GRIK4: variants seen among roughly 807,000 people sequenced by gnomAD.
GRIK4 encodes the protein glutamate receptor ionotropic, kainate 4.
Under a neutral mutation model 104.9 loss-of-function variants are expected in GRIK4, and 40 were observed. The ratio of observed to expected loss-of-function variants is 0.38; its 90% CI spans 0.30 to 0.50. The LOEUF is 0.50. Ranked by LOEUF, GRIK4 falls within the 20% of genes least tolerant of loss-of-function variation. The pLI is 0.93. For synonymous variants in GRIK4, 485 were observed against 524.9 expected (o/e 0.92, Z 1.04); for missense variants, 1,047 against 1,308.1 (o/e 0.80, Z 3.08).
At position 120,956,793 on chromosome 11, in the gene GRIK4, G is replaced by A. The variant is rs1944162298; in HGVS notation, c.1714G>A (p.Glu572Lys). The change falls in exon 16 of 21, where the codon GAG becomes AAG. Residue 572 changes from glutamate to lysine, a missense_variant. Physicochemically the swap from Glu to Lys is moderately conservative, Grantham distance 56. This residue lies in a region of GRIK4 where 440 missense variants were observed against 652.3 expected (regional missense o/e 0.67). Transcript: ENST00000527524. This position sits in a 1 kb window ranked among gnomAD's most constrained non-coding sequence, Gnocchi z 4.6. ...LFLVARLTPY[E>K]WYSPHPCAQG... ...TTTCTCCCACAGGTTGACGCCCTAC[G>A]AGTGGTACAGCCCACACCCATGTGC... 6.3e-7 allele frequency: 1 copy of A among 1,594,938 alleles called. No homozygotes were observed. The highest frequency in any genetic ancestry group is 8.6e-7 in the Non-Finnish European group (1 of 1,167,584).
At chr11:120,895,693 G>A (rs891466428) in intron 11 of GRIK4, among the ~76,000 whole-genome samples, 2 of 152,124 alleles carry the variant, frequency 1.3e-5, no homozygotes, top group South Asian at 2.1e-4. Flanking sequence ...CCTGCCATCC[G>A]GGGAACCTTA....
intron 3 of GRIK4, among the ~76,000 whole-genome samples, chr11:120,670,885 C>T (rs1423457431): frequency 6.6e-6 from 1 of 151,872 alleles, no homozygotes; most frequent in African/African-American, 2.4e-5. Context: ...GCCCCAGTGT[C>T]TGATGTTCCC....
At chr11:120,670,407 G>A (rs765834840) in intron 3 of GRIK4, among the ~76,000 whole-genome samples, 2 of 152,176 alleles carry the variant, frequency 1.3e-5, no homozygotes, top group Non-Finnish European at 2.9e-5. Flanking sequence ...CCCACAGGGC[G>A]GTCCATGAAC....
chr11:120,928,836 C>T (rs1943411172), intron 13 of GRIK4, among the ~76,000 whole-genome samples: 1 of 152,158 alleles, frequency 6.6e-6, no homozygotes, highest in Non-Finnish European at 1.5e-5. Context: ...GATGACATTG[C>T]CACTTTCCCA....
intron 1 of GRIK4, among the ~76,000 whole-genome samples, chr11:120,542,234 G>C (rs750427237): frequency 1.3e-5 from 2 of 152,184 alleles, no homozygotes; most frequent in Admixed American, 1.3e-4. Context: ...ATGGTGTGGG[G>C]AAAACTGGAT....
At chr11:120,859,696 G>A (rs1366874286) in intron 8 of GRIK4, among the ~76,000 whole-genome samples, 4 of 152,192 alleles carry the variant, frequency 2.6e-5, no homozygotes, top group Admixed American at 6.5e-5. Flanking sequence ...TTAGCCATCT[G>A]CCCCCTTGTG....
At chr11:120,757,056 G>T (rs951431102) in intron 3 of GRIK4, among the ~76,000 whole-genome samples, 1 of 152,210 alleles carries the variant, frequency 6.6e-6, no homozygotes, top group Non-Finnish European at 1.5e-5. Flanking sequence ...TTTTCTCACT[G>T]ACACAGCAGC....
intron 1 of GRIK4, among the ~76,000 whole-genome samples, chr11:120,566,946 T>A (rs1948333001): frequency 1.3e-5 from 2 of 151,326 alleles, no homozygotes; most frequent in Non-Finnish European, 2.9e-5. Context: ...TGACCTCGTG[T>A]TCCGCCCACC....
intron 3 of GRIK4, among the ~76,000 whole-genome samples, chr11:120,742,250 G>A (rs1443655405): frequency 5.3e-5 from 8 of 151,742 alleles, no homozygotes; most frequent in Admixed American, 3.3e-4. Flanking sequence ...GGAGGCTGAG[G>A]CATGAGAATC....
intron 4 of GRIK4, among the ~76,000 whole-genome samples, chr11:120,814,632 C>A (rs986306909): frequency 6.6e-6 from 1 of 152,064 alleles, no homozygotes; most frequent in African/African-American, 2.4e-5. Flanking sequence ...CCAGGAAGGT[C>A]TAAGGAGAAG....
At chr11:120,569,722 G>A (rs1948373647) in intron 1 of GRIK4, among the ~76,000 whole-genome samples, 1 of 152,202 alleles carries the variant, frequency 6.6e-6, no homozygotes, top group African/African-American at 2.4e-5. Context: ...AGTGGCAGAG[G>A]AGAAATTCTG....
At position 120,905,987 on chromosome 11, in the gene GRIK4, T is replaced by C. The variant is rs867123938; in HGVS notation, c.1476+494T>C. ...ACAGCTACAGTTATTTTCGTACATC[T>C]TGTGTTATCTTTGGTTAGCGTTAAT... On this transcript the variant is annotated intron_variant, in intron 13 of 20. Coordinates refer to ENST00000527524, the MANE Select transcript of GRIK4 (RefSeq NM_014619.5). The surrounding 1 kb of genome is among the most constrained non-coding windows in gnomAD (Gnocchi z 5.1). 2.0e-5 allele frequency among the ~76,000 whole-genome samples: 3 copies of C among 152,168 alleles called. No individual in the cohort carries two copies. The highest frequency in any genetic ancestry group is 4.4e-5 in the Non-Finnish European group (3 of 68,020).
chr11:120,929,508 G>A (rs560133821), intron 13 of GRIK4, among the ~76,000 whole-genome samples: 145 of 152,334 alleles, frequency 9.5e-4, no homozygotes, highest in Admixed American at 1.6e-3. Context: ...CAGGAAGTGA[G>A]CAGATAATCT....
chr11:120,544,485 C>A (rs1324285850), intron 1 of GRIK4, among the ~76,000 whole-genome samples: 2 of 152,118 alleles, frequency 1.3e-5, no homozygotes, highest in African/African-American at 2.4e-5. Flanking sequence ...CATGTGCCAC[C>A]ACATCTGGCT....
rs752839195 is a variant in GRIK4, at chr11:120,874,112, C to T, written c.953C>T (p.Ala318Val). Residue 318 changes from alanine (A) to valine (V), a missense_variant, in exon 10 of 21, where the codon GCG becomes GTG. By Grantham distance (64) the Ala-to-Val change is moderately conservative. Transcript: ENST00000527524. ...GATGCTGTCTATGCTGTGGTGACTG[C>T]GGTGCAGGAACTGAACCGGAGCCAA... ...LFDAVYAVVT[A>V]VQELNRSQEI... 5.0e-6 allele frequency: 8 copies of T among 1,613,710 alleles called. No homozygotes were observed. Among genetic ancestry groups the T allele is most frequent in the Admixed American group, 1.7e-5 (1 of 59,994 alleles).
chr11:120,959,552 G>A (rs533808793), intron 16 of GRIK4, among the ~76,000 whole-genome samples: 1 of 152,368 alleles, frequency 6.6e-6, no homozygotes, highest in African/African-American at 2.4e-5. Context: ...CCCAAACTGT[G>A]CTTAGATCTA....
intron 6 of GRIK4, among the ~76,000 whole-genome samples, chr11:120,828,457 G>A (rs532480020): frequency 6.6e-6 from 1 of 152,224 alleles, no homozygotes; most frequent in Admixed American, 6.5e-5. Flanking sequence ...TAGTTGGGGG[G>A]TGAGTGGGAA....
intron 1 of GRIK4, among the ~76,000 whole-genome samples, chr11:120,518,474 G>C (rs1326806421): frequency 6.6e-6 from 1 of 152,046 alleles, no homozygotes; most frequent in Non-Finnish European, 1.5e-5. Flanking sequence ...AATCAGAAAA[G>C]TCTATAGTGG....
intron 1 of GRIK4, among the ~76,000 whole-genome samples, chr11:120,629,847 G>A (rs536147608): frequency 4.6e-5 from 7 of 152,270 alleles, no homozygotes; most frequent in East Asian, 3.9e-4. Context: ...CCACCCCCTC[G>A]GGAATCTGAC....
Sources: allele counts gnomAD v4.1 joint callset (sites outside exome capture counted in the v4.1 genomes callset), GRCh38; gene constraint gnomAD v4.1.1; regional missense constraint gnomAD v4.1.1; non-coding constraint Gnocchi (gnomAD v3.1); transcripts MANE v1.5; gene names NCBI Gene and HGNC (gene_info 2026-07-23, HGNC 2026-07-21).